VAV2: variants seen among roughly 807,000 people sequenced by gnomAD.
VAV2 encodes the protein vav guanine nucleotide exchange factor 2, also known as guanine nucleotide exchange factor VAV2.
VAV2 carries 67 observed loss-of-function variants against 132.5 expected under a neutral mutation model. That is an observed-to-expected ratio of 0.51 (90% confidence interval 0.42 to 0.62). VAV2 has a LOEUF of 0.62. Ranked by LOEUF, VAV2 falls within the 20% of genes least tolerant of loss-of-function variation. The pLI, the probability that VAV2 is intolerant of heterozygous loss-of-function variation, is 0.00. For synonymous variants in VAV2, 492 were observed against 443.5 expected (o/e 1.11, Z -1.37); for missense variants, 938 against 1,153.6 (o/e 0.81, Z 2.71).
At chr9:133,841,200 A>G (rs1836708379) in intron 3 of VAV2, among the ~76,000 whole-genome samples, 1 of 152,022 alleles carries the variant, frequency 6.6e-6, no homozygotes, top group Non-Finnish European at 1.5e-5. Flanking sequence ...GTGGGGTTCA[A>G]TGGGGAGCAC....
chr9:133,902,956 T>C lies in VAV2; in HGVS notation c.321+36147A>G, dbSNP rs1166092472. Among the ~76,000 whole-genome samples, 3 of 151,134 alleles carry C rather than the reference T, an allele frequency of 2.0e-5. No individual in the cohort carries two copies. The East Asian group carries it at 5.9e-4, about 29-fold the overall frequency. On this transcript the variant is annotated intron_variant, in intron 2 of 29. Coordinates refer to ENST00000371850, the MANE Select transcript of VAV2 (RefSeq NM_001134398.2). The stretch of plus-strand genomic sequence containing the variant: ...TGGGTGTGGTGATGCACACCTGTAA[T>C]CCCAGCTACTAGGGAGGCTAAGGCA...
chr9:133,858,335 C>T, intron 3 of VAV2, among the ~76,000 whole-genome samples: 1 of 152,334 alleles, frequency 6.6e-6, no homozygotes, highest in East Asian at 1.9e-4. Context: ...TGAGGACCCG[C>T]ACTCCAGGGC....
intron 20 of VAV2, 40 bp downstream of exon 20, chr9:133,780,654 G>C (rs537477737): frequency 7.7e-7 from 1 of 1,294,470 alleles, no homozygotes; most frequent in East Asian, 3.1e-5. Flanking sequence ...GGATGTGGCG[G>C]GGGTGGGGCA....
chr9:133,878,446 A>T (rs1838353696), intron 2 of VAV2, among the ~76,000 whole-genome samples: 1 of 152,180 alleles, frequency 6.6e-6, no homozygotes, highest in Non-Finnish European at 1.5e-5. Flanking sequence ...ATGGTGAGTG[A>T]GGCAGAGTCT....
chr9:133,991,611 G>T lies in VAV2; in HGVS notation c.204+464C>A, dbSNP rs1843021298. Among the ~76,000 whole-genome samples the T allele has an allele frequency of 2.0e-5, 3 of 151,506 alleles. No individual in the cohort carries two copies. The highest frequency in any genetic ancestry group is 2.0e-4 in the Admixed American group (3 of 15,188). ...GGCTCCCGCCCCGCGCCCCTCCCGGGCCCTCCAGCCGCGCCCCGGGCCGGC... is the reference window on the plus strand; with the variant it reads ...GGCTCCCGCCCCGCGCCCCTCCCGGTCCCTCCAGCCGCGCCCCGGGCCGGC... On this transcript the variant is annotated intron_variant, in intron 1 of 29. Coordinates refer to ENST00000371850, the MANE Select transcript of VAV2 (RefSeq NM_001134398.2). This position sits in a 1 kb window ranked among gnomAD's most constrained non-coding sequence, Gnocchi z 4.8.
Position 133,783,540 on chromosome 9 carries a change from G to A in VAV2, c.1686C>T (p.His562=). Residue 562 remains histidine (H), a synonymous_variant, in exon 19 of 30, where the codon CAC becomes CAT. Coordinates refer to ENST00000371850, the MANE Select transcript of VAV2 (RefSeq NM_001134398.2). ...YMCTKCGVGA[H]KECLEVIPPC... is the part of the protein sequence containing the mutation. ...GAGGTATCACTTCCAGGCACTCCTT[G>A]TGTGCCCCGACGCCACACTTGGTAC... The A allele has an allele frequency of 1.2e-6, 2 of 1,613,946 alleles. No individual in the cohort carries two copies. Among genetic ancestry groups the A allele is most frequent in the African/African-American group, 2.7e-5 (2 of 74,986 alleles).
At chr9:133,956,387 C>G (rs1841780955) in intron 1 of VAV2, among the ~76,000 whole-genome samples, 1 of 152,144 alleles carries the variant, frequency 6.6e-6, no homozygotes, top group Admixed American at 6.5e-5. Flanking sequence ...CCCAGCGGGT[C>G]TGGGGGCCTG....
chr9:133,914,514 G>A (rs1839988707), intron 2 of VAV2, among the ~76,000 whole-genome samples: 1 of 147,862 alleles, frequency 6.8e-6, no homozygotes, highest in African/African-American at 2.5e-5. Flanking sequence ...CAAAGGGCGC[G>A]CAGCGTGTGA....
Position 133,886,065 on chromosome 9 carries a change from C to A in VAV2, c.322-24633G>T, listed in dbSNP as rs545801680. Among the ~76,000 whole-genome samples the A allele has an allele frequency of 5.3e-3, 802 of 152,294 alleles. 7 individuals are homozygous for A. Among genetic ancestry groups the A allele is most frequent in the African/African-American group, 0.018 (761 of 41,562 alleles). On this transcript the variant is annotated intron_variant, in intron 2 of 29. Transcript: ENST00000371850. ...TGGGGGGCGGGAAGGCCCAGCCGGG[C>A]CCAGAGCCACCCTGGGAGGCTGAGA...
At chr9:133,812,294 C>A in intron 4 of VAV2, 78 bp from the exon 5 acceptor site, 1 of 1,437,568 alleles carries the variant, frequency 7.0e-7, no homozygotes, top group African/African-American at 1.4e-5. Flanking sequence ...CACGAGGGTC[C>A]ACGAGGGACG....
intron 1 of VAV2, 52 bp from the exon 2 acceptor site, chr9:133,939,271 G>T (rs901394524): frequency 6.5e-7 from 1 of 1,531,200 alleles, no homozygotes; most frequent in Non-Finnish European, 9.1e-7. Flanking sequence ...AAAACTGTAA[G>T]CTCTGTAAAA....
At chr9:133,953,533 T>G (rs1400785108) in intron 1 of VAV2, among the ~76,000 whole-genome samples, 6 of 152,114 alleles carry the variant, frequency 3.9e-5, no homozygotes, top group Non-Finnish European at 8.8e-5. Context: ...AATGTGGTTT[T>G]GACCCCCAGG....
chr9:133,891,665 C>T, intron 2 of VAV2, among the ~76,000 whole-genome samples: 1 of 1,350 alleles, frequency 7.4e-4, no homozygotes, highest in African/African-American at 3.6e-3. Flanking sequence ...GAGGGGGAAG[C>T]GGGAGGGATG....
chr9:133,770,717 A>C (rs1261979110), intron 26 of VAV2, among the ~76,000 whole-genome samples: 2 of 152,218 alleles, frequency 1.3e-5, no homozygotes, highest in Non-Finnish European at 2.9e-5. Context: ...ATAATCTGCA[A>C]AAGATGCCAA....
intron 1 of VAV2, among the ~76,000 whole-genome samples, chr9:133,944,854 G>C (rs1033451906): frequency 6.6e-6 from 1 of 152,208 alleles, no homozygotes; most frequent in African/African-American, 2.4e-5. Flanking sequence ...GGTGACCCTC[G>C]CTGCTCCCTC....
chr9:133,975,204 C>T (rs1053130219), intron 1 of VAV2, among the ~76,000 whole-genome samples: 7 of 152,042 alleles, frequency 4.6e-5, no homozygotes, highest in Non-Finnish European at 7.4e-5. Context: ...CAGCCTGCCC[C>T]GGCACCCCCG....
At chr9:133,934,021 CGGATGGGT>C (rs1334534540) in intron 2 of VAV2, among the ~76,000 whole-genome samples, 16 of 125,682 alleles carry the variant, frequency 1.3e-4, no homozygotes, top group Non-Finnish European at 2.0e-4. Context: ...GATGGATGGA[CGGATGGGT>C]GGATGGGTAG....
intron 26 of VAV2, among the ~76,000 whole-genome samples, chr9:133,771,023 T>C (rs953794888): frequency 2.6e-5 from 4 of 151,994 alleles, no homozygotes; most frequent in Middle Eastern, 3.2e-3. Context: ...TGGTTTCCGC[T>C]TTTGTTTTTT....
At chr9:133,793,612 C>T (rs7045014) in intron 12 of VAV2, among the ~76,000 whole-genome samples, 7,858 of 152,222 alleles carry the variant, frequency 0.052, 363 homozygotes, top group African/African-American at 0.12. Context: ...GCGGCCCCTG[C>T]GTGCACCTGG....
Sources: gnomAD v4.1 joint callset for allele counts (sites outside exome capture counted in the v4.1 genomes callset) on GRCh38, gnomAD v4.1.1 for gene constraint, Gnocchi (gnomAD v3.1) non-coding constraint, MANE v1.5 for transcripts, NCBI Gene and HGNC (gene_info 2026-07-23, HGNC 2026-07-21) for gene names.